CBX3: variants seen among roughly 807,000 people sequenced by gnomAD.
The protein encoded by CBX3 is chromobox protein homolog 3.
Under a neutral mutation model 22.6 loss-of-function variants are expected in CBX3, and 5 were observed. The ratio of observed to expected loss-of-function variants is 0.22; its 90% CI spans 0.12 to 0.47. The LOEUF is 0.47. Ranked by LOEUF, CBX3 falls within the 20% of genes least tolerant of loss-of-function variation. The pLI, the probability that CBX3 is intolerant of heterozygous loss-of-function variation, is 0.99. For synonymous variants in CBX3, 50 were observed against 66.6 expected, an observed-to-expected ratio of 0.75 and a Z score of 1.21; for missense variants, 83 against 208.1, an observed-to-expected ratio of 0.40 and a Z score of 3.70.
At chr7:26,209,217 G>C (rs573936938) in intron 4 of CBX3, among the ~76,000 whole-genome samples, 5 of 152,036 alleles carry the variant, frequency 3.3e-5, no homozygotes, top group Non-Finnish European at 7.4e-5. Flanking sequence ...CACCTTTGAC[G>C]ACTTGCTTTT....
At position 26,212,679 on chromosome 7, in the gene CBX3, G is replaced by T. The variant is rs1243265948; in HGVS notation, c.*471G>T. On this transcript the variant is annotated 3_prime_UTR_variant, in exon 6 of 6. Transcript: ENST00000396386. ...CATTCACCCAAACAAAAAAATCACA[G>T]GTAAACCCATGTTTCTGAGATGCCA... is the stretch of plus-strand genomic sequence containing the variant. 9 of 152,078 alleles carry T rather than the reference G, an allele frequency of 5.9e-5. No individual in the cohort carries two copies. 9.4% of individuals were successfully genotyped at this position (152,078 alleles called of 1,614,324 possible).
At chr7:26,210,951 G>C (rs1784790900) in intron 4 of CBX3, among the ~76,000 whole-genome samples, 1 of 152,086 alleles carries the variant, frequency 6.6e-6, no homozygotes. Flanking sequence ...CATTTTGAGA[G>C]CCACTGGTTT....
Position 26,202,900 on chromosome 7 carries a change from A to G in CBX3, c.-28-71A>G. 5.2e-6 allele frequency: 5 copies of G among 969,390 alleles called. No individual in the cohort carries two copies. The South Asian group carries it at 5.2e-5, about 10-fold the overall frequency. 60.0% of individuals were successfully genotyped at this position (969,390 alleles called of 1,614,324 possible). ...GCTCTCTACTTGGGGGTTGGAATCC[A>G]AACAGAATTTGTATTTAGTTACCTT... On this transcript the variant is annotated intron_variant, in intron 1 of 5. Transcript: ENST00000396386.
intron 3 of CBX3, 78 bp from the exon 4 acceptor site, chr7:26,208,315 A>G (rs116668835): frequency 1.5e-4 from 180 of 1,205,686 alleles, no homozygotes; most frequent in Non-Finnish European, 1.9e-4. Context: ...CCGGGTGTCT[A>G]TTAAAATAGA....
At chr7:26,202,633 C>T (rs1784562445) in intron 1 of CBX3, 1 of 257,508 alleles carries the variant, frequency 3.9e-6, no homozygotes. Flanking sequence ...GTAATCGTGC[C>T]TGGTTTTAAA....
chr7:26,210,860 T>C (rs1784789121), intron 4 of CBX3, among the ~76,000 whole-genome samples: 1 of 151,982 alleles, frequency 6.6e-6, no homozygotes, highest in African/African-American at 2.4e-5. Context: ...CAATCCAAAG[T>C]CACAAATAGA....
In CBX3 at chr7:26,211,765, G is replaced by A. The variant is rs759917188; in HGVS notation, c.425+9G>A. On this transcript the variant is annotated intron_variant, in intron 5 of 5. Coordinates refer to ENST00000396386, the MANE Select transcript of CBX3 (RefSeq NM_016587.4). ...ATGTTTCTCATGAAATGGTGAGTATGCAGAGATTGTTACATTTGAAAGTAA... is the reference window on the plus strand; with the variant it reads ...ATGTTTCTCATGAAATGGTGAGTATACAGAGATTGTTACATTTGAAAGTAA... 2 of 1,547,610 alleles carry A rather than the reference G, an allele frequency of 1.3e-6. No homozygotes were observed. Among genetic ancestry groups the A allele is most frequent in the African/African-American group, 1.4e-5 (1 of 72,420 alleles).
At chr7:26,210,770 T>G (rs982790027) in intron 4 of CBX3, among the ~76,000 whole-genome samples, 1 of 152,212 alleles carries the variant, frequency 6.6e-6, no homozygotes, top group Non-Finnish European at 1.5e-5. Context: ...TTTACAGATA[T>G]TCAACATGTG....
chr7:26,209,713 T>A (rs1784762226), intron 4 of CBX3, among the ~76,000 whole-genome samples: 1 of 152,192 alleles, frequency 6.6e-6, no homozygotes, highest in African/African-American at 2.4e-5. Flanking sequence ...CTCTGTGGCG[T>A]CAGGCAAATC....
At chr7:26,210,921 C>T (rs1025610226) in intron 4 of CBX3, among the ~76,000 whole-genome samples, 2 of 151,902 alleles carry the variant, frequency 1.3e-5, no homozygotes, top group African/African-American at 4.8e-5. Flanking sequence ...CTCTGGAATC[C>T]CCAGTGAATC....
At chr7:26,207,467 G>A (rs1289088009) in intron 3 of CBX3, among the ~76,000 whole-genome samples, 4 of 152,158 alleles carry the variant, frequency 2.6e-5, no homozygotes, top group Non-Finnish European at 5.9e-5. Context: ...AAGGCCACTA[G>A]CATGATTATA....
chr7:26,203,237 A>G (rs1716164636), intron 2 of CBX3, among the ~76,000 whole-genome samples: 1 of 152,246 alleles, frequency 6.6e-6, no homozygotes, highest in East Asian at 1.9e-4. Context: ...AAGAAGGCTA[A>G]TCTTTGAAGG....
intron 1 of CBX3, chr7:26,202,144 C>G (rs1360025914): frequency 2.6e-5 from 4 of 152,146 alleles, no homozygotes; most frequent in African/African-American, 7.2e-5. Flanking sequence ...CCCCCTCCCC[C>G]AGCCGCCACG....
rs1264350395 is a variant in CBX3, at chr7:26,212,851, G to C, written c.*643G>C. ...TGTCTATAATTGCAGTGGTTTATTT[G>C]CAAAATTCCTAAAAGGAAAAATTTT... On this transcript the variant is annotated 3_prime_UTR_variant, in exon 6 of 6. Transcript: ENST00000396386. The C allele has an allele frequency of 6.6e-6, 1 of 152,240 alleles. No homozygotes were observed. Among genetic ancestry groups the C allele is most frequent in the South Asian group, 2.1e-4 (1 of 4,838 alleles). The allele number at this position is 152,240 out of a possible 1,614,324, so 9.4% of individuals were successfully genotyped here.
chr7:26,207,978 A>G (rs1202896058), intron 3 of CBX3, among the ~76,000 whole-genome samples: 2 of 151,576 alleles, frequency 1.3e-5, no homozygotes, highest in Non-Finnish European at 2.9e-5. Context: ...TGGGGGTCCA[A>G]GGCTGGAGGA....
intron 4 of CBX3, chr7:26,210,727 C>T (rs925521053): frequency 6.6e-6 from 1 of 152,094 alleles, no homozygotes; most frequent in Non-Finnish European, 1.5e-5. Flanking sequence ...AATGACTTTT[C>T]TAAAAAAGCT....
At chr7:26,202,719 C>T (rs1784572710) in intron 1 of CBX3, 7 of 451,802 alleles carry the variant, frequency 1.5e-5, no homozygotes, top group African/African-American at 6.1e-5. Flanking sequence ...GACATTGGTC[C>T]CCTATTTTAA....
At chr7:26,204,403 T>C (rs1041570695) in intron 2 of CBX3, among the ~76,000 whole-genome samples, 5 of 152,228 alleles carry the variant, frequency 3.3e-5, no homozygotes, top group African/African-American at 1.2e-4. Context: ...CCCACCATTA[T>C]TCCTACCTTC....
At chr7:26,212,024 T>C in intron 5 of CBX3, 58 bp from the exon 6 acceptor site, 1 of 1,420,666 alleles carries the variant, frequency 7.0e-7, no homozygotes, top group Non-Finnish European at 9.3e-7. Flanking sequence ...AATGAATGGC[T>C]GTCGGTTGAC....
Sources: gnomAD v4.1 joint callset for allele counts (sites outside exome capture counted in the v4.1 genomes callset) on GRCh38, gnomAD v4.1.1 for gene constraint, MANE v1.5 for transcripts, NCBI Gene and HGNC (gene_info 2026-07-23, HGNC 2026-07-21) for gene names.